Variants in EML5 observed in about 807,000 individuals in gnomAD.
EML5 encodes the protein echinoderm microtubule-associated protein-like 5.
Under a neutral mutation model 250.0 loss-of-function variants are expected in EML5, and 120 were observed. The observed-to-expected ratio is 0.48, with a 90% CI of 0.41 to 0.56. The LOEUF (loss-of-function observed/expected upper bound fraction) is 0.56. Among genes scored for constraint, EML5 ranks in the 20% least tolerant of loss-of-function variants. The probability of loss-of-function intolerance (pLI) is 0.00; values close to 1 mark genes in which losing one functional copy is unlikely to be tolerated. For synonymous variants in EML5, 771 were observed against 806.5 expected, an observed-to-expected ratio of 0.96 and a Z score of 0.75; for missense variants, 2,006 against 2,437.6, an observed-to-expected ratio of 0.82 and a Z score of 3.73.
chr14:88,646,286 G>A (rs560788697), intron 29 of EML5, among the ~76,000 whole-genome samples: 8 of 152,222 alleles, frequency 5.3e-5, no homozygotes, highest in African/African-American at 1.2e-4. Flanking sequence ...ATGTTGATAC[G>A]CAATATGAGG....
At chr14:88,726,310 C>T (rs2093665689) in intron 8 of EML5, among the ~76,000 whole-genome samples, 1 of 151,988 alleles carries the variant, frequency 6.6e-6, no homozygotes, top group Non-Finnish European at 1.5e-5. Flanking sequence ...CATTCTTAAC[C>T]CCCCAAACCA....
At position 88,792,196 on chromosome 14, in the gene EML5, C is replaced by T; in HGVS notation, c.197+111G>A. The T allele has an allele frequency of 7.6e-7, 1 of 1,321,976 alleles. No individual in the cohort carries two copies. The highest frequency in any genetic ancestry group is 1.0e-6 in the Non-Finnish European group (1 of 978,002). 81.9% of individuals were successfully genotyped at this position (1,321,976 alleles called of 1,614,324 possible). Reference sequence around the variant, plus strand: ...GACCAGAGAGACAGCTGCGGATTCCCCTCGGGGTGATGCTCCGTGCAGGAG... The same window carrying T: ...GACCAGAGAGACAGCTGCGGATTCCTCTCGGGGTGATGCTCCGTGCAGGAG... On this transcript the variant is annotated intron_variant, in intron 1 of 43. Coordinates refer to ENST00000554922, the MANE Select transcript of EML5 (RefSeq NM_183387.3). The surrounding 1 kb of genome is among the most constrained non-coding windows in gnomAD (Gnocchi z 6.9).
At chr14:88,710,545 A>G (rs376401655) in intron 10 of EML5, among the ~76,000 whole-genome samples, 1 of 152,340 alleles carries the variant, frequency 6.6e-6, no homozygotes, top group East Asian at 1.9e-4. Flanking sequence ...GTATGTAATT[A>G]TGTGAATTCA....
At chr14:88,736,301 G>A in intron 7 of EML5, 63 bp downstream of exon 7, 1 of 1,579,058 alleles carries the variant, frequency 6.3e-7, no homozygotes, top group South Asian at 1.1e-5. Context: ...GCCTGGCCAT[G>A]TTTTCTTTAT....
At chr14:88,703,451 T>C (rs2093257366) in intron 13 of EML5, among the ~76,000 whole-genome samples, 1 of 152,138 alleles carries the variant, frequency 6.6e-6, no homozygotes, top group East Asian at 1.9e-4. Flanking sequence ...TTTTAAAATA[T>C]TATCCTCATC....
chr14:88,788,639 G>C (rs1224220294), intron 1 of EML5, among the ~76,000 whole-genome samples: 1 of 151,954 alleles, frequency 6.6e-6, no homozygotes, highest in African/African-American at 2.4e-5. Flanking sequence ...AATGCCCCAA[G>C]TTAATTATAT....
At chr14:88,646,814 C>A in intron 29 of EML5, 133 bp downstream of exon 29, 1 of 828,770 alleles carries the variant, frequency 1.2e-6, no homozygotes, top group Non-Finnish European at 1.8e-6. Flanking sequence ...GATACCAATT[C>A]CAAAGGAAAA....
chr14:88,742,049 C>T (rs1487006101), intron 4 of EML5, among the ~76,000 whole-genome samples: 1 of 151,880 alleles, frequency 6.6e-6, no homozygotes, highest in African/African-American at 2.4e-5. Flanking sequence ...ATCAGTGATT[C>T]CCAATGTTAG....
chr14:88,653,083 T>C (rs2091707639), intron 27 of EML5, among the ~76,000 whole-genome samples: 1 of 152,210 alleles, frequency 6.6e-6, no homozygotes. Flanking sequence ...AGTTCACTCA[T>C]GATTTGGCTG....
intron 4 of EML5, among the ~76,000 whole-genome samples, chr14:88,743,670 A>C (rs2093959948): frequency 6.6e-6 from 1 of 152,082 alleles, no homozygotes; most frequent in African/African-American, 2.4e-5. Flanking sequence ...CTTCTCCCAC[A>C]CCATTCTATG....
In EML5 at chr14:88,616,837, A is replaced by G. The variant is rs1038135760; in HGVS notation, c.5685T>C (p.Ala1895=). The G allele has an allele frequency of 6.8e-6, 11 of 1,613,738 alleles. No homozygotes were observed. The highest frequency in any genetic ancestry group is 6.7e-5 in the African/African-American group (5 of 74,930). The change falls in exon 42 of 44, where the codon GCT becomes GCC. Residue 1895 remains alanine (A), a synonymous_variant. Transcript: ENST00000554922. ...AGGCACAGTTGACATCAGCTTTCTCAGCATGTCTGGACCAGATTCCCAAAA... is the reference window on the plus strand; with the variant it reads ...AGGCACAGTTGACATCAGCTTTCTCGGCATGTCTGGACCAGATTCCCAAAA... ...DEVLGIWSRH[A]EKADVNCACV... is the part of the protein sequence containing the mutation.
At chr14:88,734,158 A>T (rs2093803512) in intron 7 of EML5, among the ~76,000 whole-genome samples, 1 of 152,190 alleles carries the variant, frequency 6.6e-6, no homozygotes, top group Admixed American at 6.5e-5. Flanking sequence ...AGAAATGTGG[A>T]AAGTTTACAG....
chr14:88,777,706 G>A (rs1304133971), intron 1 of EML5, among the ~76,000 whole-genome samples: 1 of 152,250 alleles, frequency 6.6e-6, no homozygotes, highest in African/African-American at 2.4e-5. Flanking sequence ...GCCGGGCACA[G>A]TGGCTCATGC....
At chr14:88,729,720 C>T (rs569074709) in intron 7 of EML5, among the ~76,000 whole-genome samples, 1 of 152,078 alleles carries the variant, frequency 6.6e-6, no homozygotes, top group African/African-American at 2.4e-5. Flanking sequence ...CCACCATTCC[C>T]CGGCTTATTT....
rs761569434 is a variant in EML5, at chr14:88,646,938, G to A, written c.4028+9C>T. The A allele has an allele frequency of 1.3e-6, 2 of 1,592,116 alleles. No individual in the cohort carries two copies. Among genetic ancestry groups the A allele is most frequent in the South Asian group, 1.1e-5 (1 of 89,396 alleles). On this transcript the variant is annotated intron_variant, in intron 29 of 43. Coordinates refer to ENST00000554922, the MANE Select transcript of EML5 (RefSeq NM_183387.3). ...TTAGGCTTTGTAAACACAGCAAAGA[G>A]AGGATTACCTGGAACCTCTTTTCAG...
At chr14:88,785,596 A>G (rs2094543489) in intron 1 of EML5, among the ~76,000 whole-genome samples, 1 of 152,216 alleles carries the variant, frequency 6.6e-6, no homozygotes. Context: ...CATTCTTCCA[A>G]TTGTTCTGAC....
intron 2 of EML5, among the ~76,000 whole-genome samples, chr14:88,751,680 C>G (rs891032654): frequency 6.6e-6 from 1 of 151,772 alleles, no homozygotes; most frequent in African/African-American, 2.4e-5. Flanking sequence ...ATATACTCAC[C>G]CAGAGAATGT....
intron 26 of EML5, 125 bp downstream of exon 26, chr14:88,658,058 TAAAC>T: frequency 2.2e-6 from 2 of 903,582 alleles, no homozygotes; most frequent in Non-Finnish European, 3.3e-6. Context: ...ATTTTGATGT[TAAAC>T]AGACTAAAAA....
chr14:88,756,601 C>T (rs1595791175), intron 1 of EML5, among the ~76,000 whole-genome samples: 1 of 151,876 alleles, frequency 6.6e-6, no homozygotes, highest in East Asian at 1.9e-4. Context: ...CACAAAGAAA[C>T]AACCAAAAAA....
Sources: allele counts gnomAD v4.1 joint callset (sites outside exome capture counted in the v4.1 genomes callset), GRCh38; gene constraint gnomAD v4.1.1; non-coding constraint Gnocchi (gnomAD v3.1); transcripts MANE v1.5; gene names NCBI Gene and HGNC (gene_info 2026-07-23, HGNC 2026-07-21).